TTC39A: variants seen among roughly 807,000 people sequenced by gnomAD.
TTC39A encodes tetratricopeptide repeat domain 39A, also known as tetratricopeptide repeat protein 39A.
In TTC39A, 46 loss-of-function variants were observed where a neutral mutation model predicts 82.3. That is an observed-to-expected ratio of 0.56 (90% CI 0.44 to 0.71). The LOEUF is 0.71. Ranked by LOEUF, TTC39A falls within the 30% of genes least tolerant of loss-of-function variation. TTC39A has a pLI of 0.00. For synonymous variants in TTC39A, 254 were observed against 275.2 expected, an observed-to-expected ratio of 0.92 and a Z score of 0.76; for missense variants, 543 against 712.9, an observed-to-expected ratio of 0.76 and a Z score of 2.71.
upstream of TTC39A, among the ~76,000 whole-genome samples, chr1:51,334,147 C>T (rs1198439785): frequency 2.0e-5 from 3 of 148,928 alleles, no homozygotes; most frequent in Admixed American, 2.0e-4. Context: ...TTGCATGAGC[C>T]CAGGAGTTTG....
intron 6 of TTC39A, among the ~76,000 whole-genome samples, chr1:51,306,362 C>T (rs1340799983): frequency 6.6e-6 from 1 of 152,198 alleles, no homozygotes; most frequent in Non-Finnish European, 1.5e-5. Flanking sequence ...TTTTCTCAGC[C>T]TCCGCGCTAC....
intron 2 of TTC39A, among the ~76,000 whole-genome samples, chr1:51,317,621 G>A (rs1025637587): frequency 3.4e-4 from 51 of 152,112 alleles, no homozygotes; most frequent in African/African-American, 1.2e-3. Flanking sequence ...CTGGTGGCGC[G>A]CACCTGCAAT....
intron 1 of TTC39A, chr1:51,343,130 C>T (rs1176267229): frequency 2.2e-6 from 1 of 453,926 alleles, no homozygotes; most frequent in Non-Finnish European, 4.4e-6. Flanking sequence ...CCTCAGAAAT[C>T]ATCCCATGTC....
At position 51,288,777 on chromosome 1, in the gene TTC39A, A is replaced by C; in HGVS notation, c.1610+62T>G. The C allele has an allele frequency of 6.7e-7, 1 of 1,496,422 alleles. No homozygotes were observed. The highest frequency in any genetic ancestry group is 9.1e-7 in the Non-Finnish European group (1 of 1,098,342). 92.7% of individuals were successfully genotyped at this position (1,496,422 alleles called of 1,614,324 possible). A position where few individuals can be genotyped will look rare whatever the true frequency, so the allele number is the denominator to read the frequency against. ...CTGCTCTCTGGGCAACTCTGTCCCC[A>C]GCCAGCTCCTGAGCTGAGTTCAGAG... On this transcript the variant is annotated intron_variant, in intron 17 of 17. Coordinates refer to ENST00000680483, the MANE Select transcript of TTC39A (RefSeq NM_001297663.2). The surrounding 1 kb of genome is among the most constrained non-coding windows in gnomAD (Gnocchi z 4.8).
rs191258571 is a variant in TTC39A, at chr1:51,297,192, C to G, written c.1054-1022G>C. The G allele has an allele frequency of 9.7e-4, 148 of 152,186 alleles. 4 individuals are homozygous for G. The East Asian group carries it at 0.023, about 24-fold the overall frequency. 9.4% of individuals were successfully genotyped at this position (152,186 alleles called of 1,614,324 possible). A position where few individuals can be genotyped will look rare whatever the true frequency, so the allele number is the denominator to read the frequency against. On this transcript the variant is annotated intron_variant, in intron 12 of 17. Coordinates refer to ENST00000680483, the MANE Select transcript of TTC39A (RefSeq NM_001297663.2). Reference sequence around the variant, plus strand: ...GGGCCACGGCGGGAAGAGTCTCCCTCCCTGAAATCTGTTCCCGGTCCCATC... The same window carrying G: ...GGGCCACGGCGGGAAGAGTCTCCCTGCCTGAAATCTGTTCCCGGTCCCATC...
chr1:51,302,313 A>ACCCCGAGGGATC, intron 11 of TTC39A, 44 bp downstream of exon 11: 1 of 1,518,348 alleles, frequency 6.6e-7, no homozygotes, highest in Non-Finnish European at 8.8e-7. Flanking sequence ...GGTCTGGGAG[A>ACCCCGAGGGATC]CCCCGAGGGA....
chr1:51,338,328 T>C (rs1645998339), intron 1 of TTC39A, among the ~76,000 whole-genome samples: 1 of 152,100 alleles, frequency 6.6e-6, no homozygotes, highest in Admixed American at 6.5e-5. Context: ...TCTATTAAAG[T>C]GGAGAAAGCA....
Position 51,294,638 on chromosome 1 carries a change from G to T in TTC39A, c.1146-127C>A. 1.4e-6 allele frequency: 2 copies of T among 1,397,716 alleles called. No homozygotes were observed. Among genetic ancestry groups the T allele is most frequent in the Non-Finnish European group, 1.9e-6 (2 of 1,032,020 alleles). 86.6% of individuals were successfully genotyped at this position (1,397,716 alleles called of 1,614,324 possible). A position where few individuals can be genotyped will look rare whatever the true frequency, so the allele number is the denominator to read the frequency against. On this transcript the variant is annotated intron_variant, in intron 13 of 17. Coordinates refer to ENST00000680483, the MANE Select transcript of TTC39A (RefSeq NM_001297663.2). This position sits in a 1 kb window ranked among gnomAD's most constrained non-coding sequence, Gnocchi z 4.3. ...GTTTCCCCATCTGCACAATGACAGT[G>T]TTAGACTCTAAAGAGCCTTCTAGGT...
At chr1:51,332,037 T>C, upstream of TTC39A, among the ~76,000 whole-genome samples, 1 of 152,192 alleles carries the variant, frequency 6.6e-6, no homozygotes, top group African/African-American at 2.4e-5. Flanking sequence ...TCATGCACTT[T>C]CAAATCTCTA....
At position 51,330,545 on chromosome 1, in the gene TTC39A, C is replaced by G. The variant is rs1421496139; in HGVS notation, c.-68G>C. On this transcript the variant is annotated 5_prime_UTR_variant, in exon 1 of 18. Transcript: ENST00000680483. This position sits in a 1 kb window ranked among gnomAD's most constrained non-coding sequence, Gnocchi z 4.5. The stretch of plus-strand genomic sequence containing the variant: ...CGCGGCCCAGGTGCTGCCGCCGCAA[C>G]CCCGAGCCGGGCGCTGTGCGGTCGC... 1.0e-6 allele frequency: 1 copy of G among 983,608 alleles called. No individual in the cohort carries two copies. The highest frequency in any genetic ancestry group is 1.8e-5 in the African/African-American group (1 of 56,804). The allele number at this position is 983,608 out of a possible 1,614,324, so 60.9% of individuals were successfully genotyped here. A position where few individuals can be genotyped will look rare whatever the true frequency, so the allele number is the denominator to read the frequency against.
At chr1:51,290,435 G>A (rs1302317518) in intron 15 of TTC39A, 79 bp downstream of exon 15, 6 of 1,282,058 alleles carry the variant, frequency 4.7e-6, no homozygotes, top group African/African-American at 3.0e-5. Flanking sequence ...AAAGGAGGAA[G>A]GACATTTTTG....
At chr1:51,302,874 C>T (rs1293281313) in intron 9 of TTC39A, among the ~76,000 whole-genome samples, 1 of 152,222 alleles carries the variant, frequency 6.6e-6, no homozygotes, top group African/African-American at 2.4e-5. Flanking sequence ...CCCCATTTCA[C>T]AGATGAGAAA....
intron 12 of TTC39A, chr1:51,300,471 G>A (rs1246229343): frequency 2.6e-5 from 4 of 152,276 alleles, no homozygotes; most frequent in African/African-American, 9.6e-5. Context: ...TGCAGGGAAG[G>A]TATCTAAGGT....
intron 15 of TTC39A, 78 bp from the exon 16 acceptor site, chr1:51,290,197 G>A: frequency 7.3e-7 from 1 of 1,372,570 alleles, no homozygotes; most frequent in Non-Finnish European, 1.0e-6. Flanking sequence ...CCTACTTTGT[G>A]CTAGGTCAAA....
chr1:51,294,616 T>A lies in TTC39A; in HGVS notation c.1146-105A>T. 4 of 1,507,110 alleles carry A rather than the reference T, an allele frequency of 2.7e-6. No individual in the cohort carries two copies. The highest frequency in any genetic ancestry group is 3.6e-6 in the Non-Finnish European group (4 of 1,110,876). The allele number at this position is 1,507,110 out of a possible 1,614,324, so 93.4% of individuals were successfully genotyped here. A position where few individuals can be genotyped will look rare whatever the true frequency, so the allele number is the denominator to read the frequency against. On this transcript the variant is annotated intron_variant, in intron 13 of 17. Coordinates refer to ENST00000680483, the MANE Select transcript of TTC39A (RefSeq NM_001297663.2). This position sits in a 1 kb window ranked among gnomAD's most constrained non-coding sequence, Gnocchi z 4.3. The stretch of plus-strand genomic sequence containing the variant: ...CTTGGCGCCTCTCTGGGCCTCAGTT[T>A]CCCCATCTGCACAATGACAGTGTTA...
At chr1:51,293,384 C>A (rs1644294853) in intron 14 of TTC39A, among the ~76,000 whole-genome samples, 1 of 152,050 alleles carries the variant, frequency 6.6e-6, no homozygotes, top group African/African-American at 2.4e-5. Context: ...TATTTTAAAC[C>A]ATAAAATATT....
chr1:51,341,206 CA>C (rs1275251196), intron 1 of TTC39A, among the ~76,000 whole-genome samples: 1 of 128,306 alleles, frequency 7.8e-6, no homozygotes, highest in Non-Finnish European at 1.6e-5. Context: ...ACACACACAC[CA>C]AAAAAACAAA....
intron 11 of TTC39A, 111 bp from the exon 12 acceptor site, chr1:51,301,844 G>A: frequency 6.8e-7 from 1 of 1,462,930 alleles, no homozygotes; most frequent in Non-Finnish European, 9.2e-7. Context: ...GGGCATAGTG[G>A]TCCAGCCCTG....
chr1:51,337,476 G>A (rs1645989395), intron 1 of TTC39A, among the ~76,000 whole-genome samples: 1 of 149,746 alleles, frequency 6.7e-6, no homozygotes, highest in South Asian at 2.1e-4. Flanking sequence ...ACCCAGGCTG[G>A]AATGAGTGGC....
Sources: gnomAD v4.1 joint callset for allele counts (sites outside exome capture counted in the v4.1 genomes callset) on GRCh38, gnomAD v4.1.1 for gene constraint, Gnocchi (gnomAD v3.1) non-coding constraint, MANE v1.5 for transcripts, NCBI Gene and HGNC (gene_info 2026-07-23, HGNC 2026-07-21) for gene names.